The following OPA1 variants were observed in gnomAD, a reference collection of about 807,000 sequenced individuals.
The protein encoded by OPA1 is OPA1 mitochondrial dynamin like GTPase, also known as dynamin-like GTPase OPA1, mitochondrial.
A neutral mutation model predicts 152.9 loss-of-function variants in OPA1; 59 were observed. The observed-to-expected ratio is 0.39, with a 90% CI of 0.31 to 0.48. OPA1 has a LOEUF of 0.48. OPA1 is among the 20% of genes least tolerant of loss of function. OPA1 has a pLI of 0.96. For missense variants in OPA1, 1,008 were observed against 1,216.8 expected (o/e 0.83, Z 2.55); for synonymous variants, 400 against 389.9 (o/e 1.03, Z -0.31).
At position 193,694,818 on chromosome 3, in the gene OPA1, C is replaced by T. The variant is rs1164219906; in HGVS notation, c.*218C>T. Reference sequence around the variant, plus strand: ...TGGATTAACATCCTATTTTGTTGTACTAAAGTGACAAATCGGAATAATATA... The same window carrying T: ...TGGATTAACATCCTATTTTGTTGTATTAAAGTGACAAATCGGAATAATATA... On this transcript the variant is annotated 3_prime_UTR_variant, in exon 31 of 31. Transcript: ENST00000361510. 6.6e-6 allele frequency: 1 copy of T among 152,106 alleles called. No individual in the cohort carries two copies. Among genetic ancestry groups the T allele is most frequent in the Non-Finnish European group, 1.5e-5 (1 of 68,020 alleles). 9.4% of individuals were successfully genotyped at this position (152,106 alleles called of 1,614,324 possible).
chr3:193,644,177 T>TAAAAAAACAACAACAACAAC, intron 16 of OPA1, 72 bp downstream of exon 16: 1 of 1,546,874 alleles, frequency 6.5e-7, no homozygotes. Flanking sequence ...ATTTGTTATT[T>TAAAAAAACAACAACAACAAC]AAAAAAACAA....
At chr3:193,594,035 T>C (rs755586188) in intron 1 of OPA1, among the ~76,000 whole-genome samples, 2 of 152,216 alleles carry the variant, frequency 1.3e-5, no homozygotes, top group Non-Finnish European at 2.9e-5. Context: ...TACTTTTTGA[T>C]GCAAGGTCGT....
At chr3:193,671,342 A>G (rs995435915) in intron 29 of OPA1, among the ~76,000 whole-genome samples, 1 of 152,198 alleles carries the variant, frequency 6.6e-6, no homozygotes. Context: ...AGTCATAACA[A>G]TACATGAGAC....
intron 28 of OPA1, 25 bp downstream of exon 28, chr3:193,666,414 T>G: frequency 6.6e-7 from 1 of 1,517,342 alleles, no homozygotes; most frequent in South Asian, 1.1e-5. Flanking sequence ...GACTGCAGTC[T>G]TATTTTGACA....
chr3:193,601,069 T>C (rs1338048792), intron 1 of OPA1, among the ~76,000 whole-genome samples: 2 of 152,212 alleles, frequency 1.3e-5, no homozygotes, highest in Non-Finnish European at 2.9e-5. Context: ...TTTCGTTGAA[T>C]ATGTATGTTG....
In OPA1 at chr3:193,614,777, A is replaced by G. The variant is rs765574821; in HGVS notation, c.87A>G (p.Pro29=). The change falls in exon 2 of 31, where the codon CCA becomes CCG. Residue 29 remains proline (P), a synonymous_variant. Transcript: ENST00000361510. The stretch of plus-strand genomic sequence containing the variant: ...GCTCTGGAATAAAAGGAAGTTTACC[A>G]CTACAAAAACTACATCTGGTTTCAC... ...KHSSGIKGSL[P]LQKLHLVSRS... is the part of the protein sequence containing the mutation. 2.0e-5 allele frequency: 32 copies of G among 1,614,126 alleles called. No individual in the cohort carries two copies. Among genetic ancestry groups the G allele is most frequent in the Middle Eastern group, 1.6e-4 (1 of 6,062 alleles).
At chr3:193,651,049 A>G (rs1577270122) in intron 21 of OPA1, among the ~76,000 whole-genome samples, 3 of 152,320 alleles carry the variant, frequency 2.0e-5, no homozygotes, top group Admixed American at 2.0e-4. Context: ...AAGGCGACAC[A>G]GGTAGCTGTG....
intron 1 of OPA1, among the ~76,000 whole-genome samples, chr3:193,604,878 AAAAAG>A (rs1326456132): frequency 1.3e-5 from 2 of 151,874 alleles, no homozygotes; most frequent in African/African-American, 2.4e-5. Flanking sequence ...AAAAAAAAGA[AAAAAG>A]AAAAGAAAAA....
chr3:193,618,555 GCT>G (rs1729449201), intron 5 of OPA1: 2 of 318,924 alleles, frequency 6.3e-6, no homozygotes, highest in African/African-American at 4.4e-5. Flanking sequence ...GTGGTATGTG[GCT>G]GAACTGTAAG....
chr3:193,629,738 T>G (rs1489331112), intron 7 of OPA1, among the ~76,000 whole-genome samples: 1 of 152,226 alleles, frequency 6.6e-6, no homozygotes, highest in Non-Finnish European at 1.5e-5. Context: ...ATAACTTTTT[T>G]ATTTTACCAA....
In OPA1 at chr3:193,645,689, A is replaced by G; in HGVS notation, c.1682-39A>G. The G allele has an allele frequency of 1.2e-6, 2 of 1,608,348 alleles. 1 individual carries two copies. Among genetic ancestry groups the G allele is most frequent in the South Asian group, 2.2e-5 (2 of 90,928 alleles). ...CTGTTGTTTTCAAATAATAAAGAGTAATTTTCTTGATGAAAATTTGACCAT... is the reference window on the plus strand; with the variant it reads ...CTGTTGTTTTCAAATAATAAAGAGTGATTTTCTTGATGAAAATTTGACCAT... On this transcript the variant is annotated intron_variant, in intron 17 of 30. Coordinates refer to ENST00000361510, the MANE Select transcript of OPA1 (RefSeq NM_130837.3).
At chr3:193,655,684 G>A (rs779026602) in intron 22 of OPA1, among the ~76,000 whole-genome samples, 2 of 152,136 alleles carry the variant, frequency 1.3e-5, no homozygotes, top group African/African-American at 4.8e-5. Context: ...GTAATTATAT[G>A]TAAAATACTT....
chr3:193,597,690 CAAAAAAA>C (rs75168011), intron 1 of OPA1, among the ~76,000 whole-genome samples: 326 of 80,306 alleles, frequency 4.1e-3, no homozygotes, highest in African/African-American at 0.013. Context: ...GACTCCGTTT[CAAAAAAA>C]AAAAAAAAAA....
chr3:193,608,370 T>G (rs1195265961), intron 1 of OPA1, among the ~76,000 whole-genome samples: 1 of 152,216 alleles, frequency 6.6e-6, no homozygotes, highest in African/African-American at 2.4e-5. Flanking sequence ...ACACACTGCT[T>G]TGAATGTGTC....
At chr3:193,609,086 C>G (rs994305737) in intron 1 of OPA1, among the ~76,000 whole-genome samples, 1 of 152,042 alleles carries the variant, frequency 6.6e-6, no homozygotes, top group African/African-American at 2.4e-5. Flanking sequence ...TTATTTTGAG[C>G]CTATGTGTGA....
chr3:193,675,149 T>G (rs1338084990), intron 29 of OPA1, among the ~76,000 whole-genome samples: 1 of 152,106 alleles, frequency 6.6e-6, no homozygotes, highest in Admixed American at 6.5e-5. Flanking sequence ...TTCTTTTTGT[T>G]TCTGTAGACT....
At chr3:193,627,330 T>A (rs1731318181) in intron 7 of OPA1, 1 of 152,134 alleles carries the variant, frequency 6.6e-6, no homozygotes, top group Admixed American at 6.5e-5. Context: ...AGCAAAAACA[T>A]AGCTAGAAAA....
At chr3:193,633,480 T>C (rs1322560438) in intron 8 of OPA1, among the ~76,000 whole-genome samples, 3 of 152,176 alleles carry the variant, frequency 2.0e-5, no homozygotes, top group Non-Finnish European at 4.4e-5. Flanking sequence ...TCTACCCTCT[T>C]ATATGCCTTG....
chr3:193,654,931 A>G lies in OPA1; in HGVS notation c.2082A>G (p.Pro694=). The G allele has an allele frequency of 1.2e-6, 2 of 1,613,982 alleles. No homozygotes were observed. Among genetic ancestry groups the G allele is most frequent in the Admixed American group, 1.7e-5 (1 of 60,012 alleles). ...ATGTGATTGAAAACATCTACCTTCC[A>G]GCTGCGCAGACCATGAATTCAGGAA... The part of the protein sequence containing the change: ...STHVIENIYL[P]AAQTMNSGTF... Residue 694 remains proline (P), a synonymous_variant, in exon 22 of 31, where the codon CCA becomes CCG. Transcript: ENST00000361510.
Sources: gnomAD v4.1 joint callset for allele counts (sites outside exome capture counted in the v4.1 genomes callset) on GRCh38, gnomAD v4.1.1 for gene constraint, MANE v1.5 for transcripts, NCBI Gene and HGNC (gene_info 2026-07-23, HGNC 2026-07-21) for gene names.